Variants in CYP19A1 observed in about 807,000 individuals in gnomAD.
CYP19A1 encodes the protein aromatase.
Under a neutral mutation model 44.4 loss-of-function variants are expected in CYP19A1, and 32 were observed. That is an observed-to-expected ratio of 0.72 (90% CI 0.54 to 0.97). The LOEUF (loss-of-function observed/expected upper bound fraction) is 0.97. Among genes scored for constraint, CYP19A1 ranks in the 50% least tolerant of loss-of-function variants. The probability of loss-of-function intolerance (pLI) is 0.00; values close to 1 mark genes in which losing one functional copy is unlikely to be tolerated. For missense variants in CYP19A1, 598 were observed against 637.8 expected (o/e 0.94, Z 0.67); for synonymous variants, 212 against 215.6 (o/e 0.98, Z 0.14).
chr15:51,237,030 T>A (rs746145289), intron 2 of CYP19A1, 21 bp from the exon 3 acceptor site: 14 of 1,613,978 alleles, frequency 8.7e-6, no homozygotes, highest in Admixed American at 1.7e-5. Flanking sequence ...TGTCAGAGCA[T>A]AAGCAACATC....
intron 1 of CYP19A1, among the ~76,000 whole-genome samples, chr15:51,282,612 A>G (rs1181132961): frequency 6.6e-6 from 1 of 151,956 alleles, no homozygotes; most frequent in East Asian, 1.9e-4. Flanking sequence ...TCTCTCTCAA[A>G]CTGTCTTTTC....
At chr15:51,222,174 T>C (rs1595680971) in intron 5 of CYP19A1, 175 bp downstream of exon 5, 1 of 1,205,628 alleles carries the variant, frequency 8.3e-7, no homozygotes, top group East Asian at 2.6e-5. Flanking sequence ...TGGAAATTTA[T>C]ATTTTATAAG....
At chr15:51,244,824 G>A (rs552909704) in intron 1 of CYP19A1, among the ~76,000 whole-genome samples, 4 of 152,306 alleles carry the variant, frequency 2.6e-5, no homozygotes, top group Admixed American at 2.6e-4. Flanking sequence ...GTTGCAAGCT[G>A]ATGCAAATTT....
At chr15:51,237,776 C>G (rs2033501246) in intron 2 of CYP19A1, among the ~76,000 whole-genome samples, 1 of 152,178 alleles carries the variant, frequency 6.6e-6, no homozygotes, top group South Asian at 2.1e-4. Context: ...GTCCAGGGAA[C>G]AACTGGGGAA....
intron 7 of CYP19A1, 93 bp from the exon 8 acceptor site, chr15:51,215,325 A>T: frequency 6.4e-7 from 1 of 1,568,640 alleles, no homozygotes; most frequent in Non-Finnish European, 8.7e-7. Flanking sequence ...CAACCTCAAC[A>T]AAATGAAATC....
At chr15:51,271,874 A>G (rs570146986) in intron 1 of CYP19A1, among the ~76,000 whole-genome samples, 13 of 152,370 alleles carry the variant, frequency 8.5e-5, no homozygotes, top group African/African-American at 2.9e-4. Flanking sequence ...GGTGTTCACA[A>G]TCTGGTGATA....
chr15:51,286,281 TATTTGCATATAAA>T (rs1472080156), intron 1 of CYP19A1, among the ~76,000 whole-genome samples: 1 of 152,198 alleles, frequency 6.6e-6, no homozygotes, highest in Non-Finnish European at 1.5e-5. Context: ...CAACACCTCT[TATTTGCATATAAA>T]TATTCTCTCT....
chr15:51,268,426 G>A (rs1211460077), intron 1 of CYP19A1, among the ~76,000 whole-genome samples: 1 of 151,914 alleles, frequency 6.6e-6, no homozygotes, highest in Non-Finnish European at 1.5e-5. Flanking sequence ...CATATCAATA[G>A]TTTGTTCCTT....
rs73405426 is a variant in CYP19A1 at position 51,280,638 on chromosome 15, A to G, written c.-38-37688T>C. On this transcript the variant is annotated intron_variant, in intron 1 of 9. Transcript: ENST00000396402. ...TCTACATGGGTGGAGGTGGGGAGAT[A>G]CTGTGGTCTGTAATGAGCCACTGCC... is the stretch of plus-strand genomic sequence containing the variant. Among the ~76,000 whole-genome samples the G allele has an allele frequency of 1.4e-3, 214 of 152,326 alleles. 1 individual carries two copies. Among genetic ancestry groups the G allele is most frequent in the African/African-American group, 4.8e-3 (201 of 41,574 alleles).
intron 5 of CYP19A1, among the ~76,000 whole-genome samples, chr15:51,220,218 G>C (rs1424850477): frequency 2.0e-5 from 3 of 152,144 alleles, no homozygotes; most frequent in African/African-American, 7.2e-5. Flanking sequence ...CTCTGCAGAG[G>C]CCTTTTCTAA....
intron 1 of CYP19A1, among the ~76,000 whole-genome samples, chr15:51,251,523 T>C (rs538999297): frequency 1.3e-5 from 2 of 152,278 alleles, no homozygotes; most frequent in South Asian, 4.2e-4. Context: ...TCTATCTAGC[T>C]CCCGGGGGCT....
Position 51,222,484 on chromosome 15 carries a change from C to A in CYP19A1, c.493G>T (p.Ala165Ser). Reference protein sequence around the residue: ...PGLVRMVTVCAESLKTHLDRL... With the variant: ...PGLVRMVTVCSESLKTHLDRL... The stretch of plus-strand genomic sequence containing the variant: ...TCCAGATGTGTTTTGAGGGATTCAG[C>A]ACAGACTGTGACCATACGAACAAGG... Residue 165 changes from alanine (A) to serine (S), a missense_variant, in exon 5 of 10, where the codon GCT becomes TCT. Coordinates refer to ENST00000396402, the MANE Select transcript of CYP19A1 (RefSeq NM_000103.4). 1 of 1,614,062 alleles carries A rather than the reference C, an allele frequency of 6.2e-7. No homozygotes were observed. The highest frequency in any genetic ancestry group is 8.5e-7 in the Non-Finnish European group (1 of 1,179,954).
chr15:51,314,605 G>T (rs567604344), intron 1 of CYP19A1, among the ~76,000 whole-genome samples: 1 of 152,178 alleles, frequency 6.6e-6, no homozygotes, highest in Admixed American at 6.5e-5. Context: ...ATCACACACT[G>T]TTCTGCCTTA....
chr15:51,327,078 T>G (rs928720248), intron 1 of CYP19A1, among the ~76,000 whole-genome samples: 14 of 152,188 alleles, frequency 9.2e-5, no homozygotes, highest in African/African-American at 3.4e-4. Context: ...GCAGCTCGTA[T>G]TTTTGGTTTC....
At chr15:51,215,014 T>C in intron 8 of CYP19A1, 56 bp downstream of exon 8, 2 of 1,561,778 alleles carry the variant, frequency 1.3e-6, no homozygotes, top group South Asian at 1.2e-5. Flanking sequence ...ACATAAGAAA[T>C]GGACATTCAG....
At chr15:51,258,930 T>A (rs1054984) in intron 1 of CYP19A1, among the ~76,000 whole-genome samples, 30,382 of 152,062 alleles carry the variant, frequency 0.2, 3,810 homozygotes, top group African/African-American at 0.35. Context: ...TAATGACACA[T>A]TCGACAAAAG....
chr15:51,222,788 T>C (rs1380405992), intron 4 of CYP19A1, among the ~76,000 whole-genome samples: 1 of 152,214 alleles, frequency 6.6e-6, no homozygotes, highest in African/African-American at 2.4e-5. Flanking sequence ...AATTAAACTT[T>C]TTTTCATGCT....
chr15:51,331,738 AATT>A (rs550367419), intron 1 of CYP19A1, among the ~76,000 whole-genome samples: 20 of 152,254 alleles, frequency 1.3e-4, no homozygotes, highest in African/African-American at 4.6e-4. Flanking sequence ...ACTTTTTGCA[AATT>A]ATTATCATTA....
chr15:51,250,215 A>G (rs570489937), intron 1 of CYP19A1, among the ~76,000 whole-genome samples: 1 of 152,312 alleles, frequency 6.6e-6, no homozygotes, highest in East Asian at 1.9e-4. Flanking sequence ...GCTAAAACCC[A>G]CATTTCACAT....
Sources: gnomAD v4.1 joint callset for allele counts (sites outside exome capture counted in the v4.1 genomes callset) on GRCh38, gnomAD v4.1.1 for gene constraint, MANE v1.5 for transcripts, NCBI Gene and HGNC (gene_info 2026-07-23, HGNC 2026-07-21) for gene names.